Variants in PTPRD observed in about 807,000 individuals in gnomAD.
The protein encoded by PTPRD is receptor-type tyrosine-protein phosphatase delta.
PTPRD carries 34 observed loss-of-function variants against 214.5 expected under a neutral mutation model. That is an observed-to-expected ratio of 0.16 (90% CI 0.12 to 0.21). The LOEUF (loss-of-function observed/expected upper bound fraction) is 0.21. Among genes scored for constraint, PTPRD ranks in the 10% least tolerant of loss-of-function variants. PTPRD has a pLI of 1.00. For missense variants in PTPRD, 2,545 were observed against 2,398.7 expected (o/e 1.06, Z -1.27); for synonymous variants, 1,128 against 845.7 (o/e 1.33, Z -5.79).
chr9:8,702,188 G>T (rs1218087070), intron 12 of PTPRD, among the ~76,000 whole-genome samples: 1 of 151,784 alleles, frequency 6.6e-6, no homozygotes, highest in East Asian at 1.9e-4. Flanking sequence ...TTTATCAGTG[G>T]GTCAGCAGTT....
chr9:9,833,680 G>C (rs1018036446), intron 5 of PTPRD, among the ~76,000 whole-genome samples: 35 of 141,616 alleles, frequency 2.5e-4, no homozygotes, highest in Admixed American at 2.2e-3. Flanking sequence ...GTACGCTCCG[G>C]AGAGGGGGGC....
At chr9:9,304,726 T>C (rs566916270) in intron 9 of PTPRD, among the ~76,000 whole-genome samples, 2 of 151,550 alleles carry the variant, frequency 1.3e-5, no homozygotes, top group African/African-American at 4.8e-5. Context: ...AGATTTTATA[T>C]GTATATTTTC....
intron 8 of PTPRD, among the ~76,000 whole-genome samples, chr9:9,426,767 C>G (rs111967770): frequency 0.11 from 16,181 of 152,120 alleles, 1,083 homozygotes; most frequent in Middle Eastern, 0.2. Context: ...CTGTTCTGCA[C>G]CCTCCGCTGG....
chr9:9,832,292 T>C (rs993588651), intron 5 of PTPRD, among the ~76,000 whole-genome samples: 1 of 151,954 alleles, frequency 6.6e-6, no homozygotes, highest in Non-Finnish European at 1.5e-5. Context: ...AGACAATGCA[T>C]AGCAGGCAAC....
At chr9:8,447,190 TCTC>T (rs1270803641) in intron 34 of PTPRD, among the ~76,000 whole-genome samples, 3 of 152,208 alleles carry the variant, frequency 2.0e-5, no homozygotes, top group Non-Finnish European at 2.9e-5. Flanking sequence ...CCTTTTCTAG[TCTC>T]CTCCTCTACT....
intron 11 of PTPRD, among the ~76,000 whole-genome samples, chr9:8,744,351 T>G (rs568788706): frequency 9.9e-5 from 15 of 152,026 alleles, no homozygotes; most frequent in African/African-American, 3.4e-4. Context: ...TGCACACGCA[T>G]GTATACAGCA....
intron 8 of PTPRD, among the ~76,000 whole-genome samples, chr9:9,449,933 C>T (rs2091642789): frequency 1.3e-5 from 2 of 151,774 alleles, no homozygotes; most frequent in Non-Finnish European, 1.5e-5. Flanking sequence ...CATTCTTATG[C>T]CTTTGTGTCC....
Position 8,602,904 on chromosome 9 carries a change from TC to T in PTPRD, c.352+30412del, listed in dbSNP as rs143014195. 6.3e-3 allele frequency among the ~76,000 whole-genome samples: 964 copies of T among 152,342 alleles called. 6 individuals carry two copies. The highest frequency in any genetic ancestry group is 0.01 in the Non-Finnish European group (712 of 68,016). ...TATACTCATTCAACTAATTCATTCA[TC>T]TGCATAAACTCATTCGATATAATCC... On this transcript the variant is annotated intron_variant, in intron 14 of 45. Coordinates refer to ENST00000381196, the MANE Select transcript of PTPRD (RefSeq NM_002839.4).
intron 5 of PTPRD, among the ~76,000 whole-genome samples, chr9:9,844,317 A>T (rs921336968): frequency 5.9e-5 from 9 of 152,024 alleles, no homozygotes; most frequent in Admixed American, 5.9e-4. Flanking sequence ...ATGCCACTAG[A>T]CATCATGCTA....
rs545842561 is a variant in PTPRD at position 8,849,130 on chromosome 9, T to C, written c.-103-115184A>G. On this transcript the variant is annotated intron_variant, in intron 11 of 45. Coordinates refer to ENST00000381196, the MANE Select transcript of PTPRD (RefSeq NM_002839.4). The stretch of plus-strand genomic sequence containing the variant: ...AGAGGTTTCTAATGAATAATTATTC[T>C]TCACATTTTATGGTTTCAATTCTAC... 2.6e-5 allele frequency among the ~76,000 whole-genome samples: 4 copies of C among 152,086 alleles called. 1 individual carries two copies. The highest frequency in any genetic ancestry group is 2.6e-4 in the Admixed American group (4 of 15,274).
At chr9:9,447,435 T>C (rs1259933443) in intron 8 of PTPRD, among the ~76,000 whole-genome samples, 2 of 117,578 alleles carry the variant, frequency 1.7e-5, no homozygotes, top group African/African-American at 5.4e-5. Context: ...ATACCGTATG[T>C]TCTCACTTAT....
intron 11 of PTPRD, among the ~76,000 whole-genome samples, chr9:8,818,352 A>G (rs768116579): frequency 2.0e-5 from 3 of 152,202 alleles, no homozygotes; most frequent in Non-Finnish European, 4.4e-5. Flanking sequence ...AGATAAAAGA[A>G]GAAAATAGGG....
At chr9:9,066,110 G>C (rs533125919) in intron 10 of PTPRD, among the ~76,000 whole-genome samples, 3 of 149,252 alleles carry the variant, frequency 2.0e-5, no homozygotes, top group Non-Finnish European at 4.5e-5. Flanking sequence ...CTGCATTCAT[G>C]AAAATGACTG....
At chr9:9,806,178 T>C (rs569135248) in intron 5 of PTPRD, among the ~76,000 whole-genome samples, 10 of 152,048 alleles carry the variant, frequency 6.6e-5, no homozygotes, top group African/African-American at 2.4e-4. Flanking sequence ...GCAAGAGAGC[T>C]CCAATTCACC....
At chr9:8,863,530 C>G (rs1228144260) in intron 11 of PTPRD, among the ~76,000 whole-genome samples, 3 of 152,118 alleles carry the variant, frequency 2.0e-5, no homozygotes, top group African/African-American at 7.2e-5. Context: ...TAAAATTTAA[C>G]AGGTGATTTG....
intron 3 of PTPRD, among the ~76,000 whole-genome samples, chr9:10,266,215 G>C (rs1397177342): frequency 1.3e-5 from 2 of 151,670 alleles, no homozygotes; most frequent in East Asian, 3.9e-4. Context: ...ATGCATTACA[G>C]TTGCTAAGCA....
chr9:8,604,133 A>C (rs1273265095), intron 14 of PTPRD, among the ~76,000 whole-genome samples: 1 of 152,190 alleles, frequency 6.6e-6, no homozygotes, highest in East Asian at 1.9e-4. Context: ...TGTTGTTGTA[A>C]AGTAAGGAAC....
intron 5 of PTPRD, among the ~76,000 whole-genome samples, chr9:9,880,763 A>C (rs1332912907): frequency 4.6e-5 from 7 of 152,298 alleles, no homozygotes; most frequent in Non-Finnish European, 2.9e-5. Flanking sequence ...TGAGACTATT[A>C]AATTCAGCCA....
intron 5 of PTPRD, among the ~76,000 whole-genome samples, chr9:9,818,282 A>G (rs753410595): frequency 2.6e-5 from 4 of 152,172 alleles, no homozygotes; most frequent in Non-Finnish European, 4.4e-5. Context: ...AATATTACAT[A>G]GCTGCCAATG....
Sources: allele counts gnomAD v4.1 joint callset (sites outside exome capture counted in the v4.1 genomes callset), GRCh38; gene constraint gnomAD v4.1.1; transcripts MANE v1.5; gene names NCBI Gene and HGNC (gene_info 2026-07-23, HGNC 2026-07-21).